The following DHX30 variants were observed in gnomAD, a reference collection of about 807,000 sequenced individuals.
DHX30 encodes the protein DExH-box helicase 30, also known as ATP-dependent RNA helicase DHX30.
In DHX30, 4 loss-of-function variants were observed where a neutral mutation model predicts 116.9. The observed-to-expected ratio is 0.03, with a 90% CI of 0.02 to 0.08. DHX30 has a LOEUF of 0.08. Ranked by LOEUF, DHX30 falls within the 10% of genes least tolerant of loss-of-function variation. DHX30 has a pLI of 1.00. For synonymous variants in DHX30, 697 were observed against 651.7 expected, an observed-to-expected ratio of 1.07 and a Z score of -1.06; for missense variants, 871 against 1,595.1, an observed-to-expected ratio of 0.55 and a Z score of 7.73.
intron 4 of DHX30, among the ~76,000 whole-genome samples, chr3:47,818,595 G>A (rs1351280672): frequency 6.6e-6 from 1 of 152,126 alleles, no homozygotes; most frequent in Non-Finnish European, 1.5e-5. Flanking sequence ...GCACTTTACT[G>A]ACATTAAAAT....
intron 3 of DHX30, among the ~76,000 whole-genome samples, chr3:47,814,282 A>C (rs528351431): frequency 3.3e-5 from 5 of 151,176 alleles, no homozygotes; most frequent in Admixed American, 6.6e-5. Flanking sequence ...TAAAAATAAA[A>C]ATAAAAATCA....
chr3:47,850,036 G>C lies in DHX30; in HGVS notation c.3501G>C (p.Glu1167Asp), dbSNP rs1450044789. ...CACTTCCCCCCAGCGTACAGGAGGA[G>C]CACGGGCAGCTGCTTGCGCTACTGG... ...LAALPPSVQE[E>D]HGQLLALLAE... Residue 1167 changes from glutamate to aspartate, a missense_variant, in exon 22 of 22, where the codon GAG becomes GAC. By Grantham distance (45) the Glu-to-Asp change is conservative. Coordinates refer to ENST00000445061, the MANE Select transcript of DHX30 (RefSeq NM_138615.3). 6.2e-7 allele frequency: 1 copy of C among 1,606,282 alleles called. No homozygotes were observed. The highest frequency in any genetic ancestry group is 8.5e-7 in the Non-Finnish European group (1 of 1,177,574).
chr3:47,803,376 C>T (rs970869591), intron 1 of DHX30, among the ~76,000 whole-genome samples, 164 bp downstream of exon 1: 4 of 152,048 alleles, frequency 2.6e-5, no homozygotes, highest in Non-Finnish European at 4.4e-5. Flanking sequence ...CCTAGGCCTG[C>T]CCGGGAAGCC....
rs751413800 is a variant in DHX30, at chr3:47,849,020, C to T, written c.2870C>T (p.Ser957Phe). 8.7e-6 allele frequency: 14 copies of T among 1,613,372 alleles called. No homozygotes were observed. The South Asian group carries it at 1.3e-4, about 15-fold the overall frequency. Residue 957 changes from serine to phenylalanine, a missense_variant, in exon 18 of 22, where the codon TCC (serine) becomes TTC (phenylalanine). Coordinates refer to ENST00000445061, the MANE Select transcript of DHX30 (RefSeq NM_138615.3). ...EEVLRWQDRS[S>F]RENYLEENLL... ...GTGCTGCGTTGGCAGGACCGCAGCT[C>T]CCGGGAGAATTACCTGGAGGAAAAC...
At chr3:47,837,696 G>A (rs2107089659) in intron 6 of DHX30, among the ~76,000 whole-genome samples, 1 of 152,346 alleles carries the variant, frequency 6.6e-6, no homozygotes, top group East Asian at 1.9e-4. Flanking sequence ...GGCAGGCAGA[G>A]GTTGCAGTGA....
At chr3:47,831,958 T>C in intron 6 of DHX30, among the ~76,000 whole-genome samples, 1 of 136,582 alleles carries the variant, frequency 7.3e-6, no homozygotes, top group Admixed American at 8.0e-5. Flanking sequence ...TATTCCTCTC[T>C]CCCATCGTCT....
At chr3:47,834,879 A>G (rs2037033574) in intron 6 of DHX30, among the ~76,000 whole-genome samples, 1 of 152,202 alleles carries the variant, frequency 6.6e-6, no homozygotes, top group Non-Finnish European at 1.5e-5. Context: ...TGCAGTTAAC[A>G]TGGGAGTGCA....
intron 3 of DHX30, among the ~76,000 whole-genome samples, chr3:47,815,368 T>C (rs2036003774): frequency 6.6e-6 from 1 of 152,168 alleles, no homozygotes; most frequent in Non-Finnish European, 1.5e-5. Context: ...GCTGTGAGGT[T>C]GCATGATTGA....
intron 4 of DHX30, chr3:47,819,312 C>T (rs141857332): frequency 5.0e-5 from 68 of 1,363,190 alleles, no homozygotes; most frequent in Non-Finnish European, 5.7e-5. Flanking sequence ...AGCTTGAAGA[C>T]GGTTAGTCGG....
chr3:47,830,274 C>A (rs1484336978), intron 6 of DHX30, among the ~76,000 whole-genome samples: 1 of 151,104 alleles, frequency 6.6e-6, no homozygotes, highest in Non-Finnish European at 1.5e-5. Context: ...ATGGTGAAAC[C>A]TTGTCTGTAC....
intron 21 of DHX30, 24 bp from the exon 22 acceptor site, chr3:47,849,843 C>T (rs1344886390): frequency 1.2e-6 from 2 of 1,610,796 alleles, no homozygotes; most frequent in Admixed American, 3.3e-5. Flanking sequence ...CCACAGTTCC[C>T]CACCATCTTT....
chr3:47,827,220 C>A, intron 4 of DHX30, 127 bp from the exon 5 acceptor site: 1 of 879,592 alleles, frequency 1.1e-6, no homozygotes, highest in Non-Finnish European at 1.7e-6. Context: ...TTCCAAGATG[C>A]TCCTGGGTGG....
chr3:47,848,004 G>GT lies in DHX30; in HGVS notation c.2286+52dup. Reference sequence around the variant, plus strand: ...GGCCAACCACTGGGGGAGGGACTCCGTTTTGAGGTGGTCCCCAGCCCAGAT... The same window carrying GT: ...GGCCAACCACTGGGGGAGGGACTCCGTTTTTGAGGTGGTCCCCAGCCCAGAT... On this transcript the variant is annotated intron_variant, in intron 14 of 21. Transcript: ENST00000445061. The surrounding 1 kb of genome is among the most constrained non-coding windows in gnomAD (Gnocchi z 9.4). The GT allele has an allele frequency of 6.2e-7, 1 of 1,605,664 alleles. No homozygotes were observed. Among genetic ancestry groups the GT allele is most frequent in the Non-Finnish European group, 8.5e-7 (1 of 1,173,896 alleles).
In DHX30 at chr3:47,826,884, G is replaced by C. The variant is rs554903390; in HGVS notation, c.125-463G>C. ...GATCTCATCACTTGAGATACATGGGGCCAGGTCTCTCGTGTGTGTGTCTTA... is the reference window on the plus strand; with the variant it reads ...GATCTCATCACTTGAGATACATGGGCCCAGGTCTCTCGTGTGTGTGTCTTA... On this transcript the variant is annotated intron_variant, in intron 4 of 21. Transcript: ENST00000445061. Among the ~76,000 whole-genome samples the C allele has an allele frequency of 7.2e-5, 11 of 152,328 alleles. No homozygotes were observed. The South Asian group carries it at 1.7e-3, about 23-fold the overall frequency.
rs781419672 is a variant in DHX30, at chr3:47,849,875, C to T, written c.3340C>T (p.Arg1114Cys). 9.3e-6 allele frequency: 15 copies of T among 1,612,406 alleles called. No individual in the cohort carries two copies. The highest frequency in any genetic ancestry group is 2.7e-5 in the African/African-American group (2 of 74,910). Residue 1114 changes from arginine (R) to cysteine (C), a missense_variant, in exon 22 of 22, where the codon CGC becomes TGC. Physicochemically the swap from Arg to Cys is radical, Grantham distance 180. Transcript: ENST00000445061. ...CTTTTCCATTCCCTCAGATGACGGG[C>T]GCCGGGCCACCATCTCACTGAGCGA... is the stretch of plus-strand genomic sequence containing the variant. ...DGDVHIRDDG[R>C]RATISLSDSD...
intron 4 of DHX30, 85 bp from the exon 5 acceptor site, chr3:47,827,262 C>T (rs1166625833): frequency 2.2e-6 from 3 of 1,392,644 alleles, no homozygotes; most frequent in Non-Finnish European, 2.9e-6. Flanking sequence ...CCTCAGAATC[C>T]AGCCCAGGGT....
In DHX30 at chr3:47,838,009, A is replaced by G. The variant is rs575792240; in HGVS notation, c.367-2868A>G. The stretch of plus-strand genomic sequence containing the variant: ...CTGTGGGGACGAGATCCTCTGGTCT[A>G]GTGAAAGAGTGGTTGCAAAGGCAGG... On this transcript the variant is annotated intron_variant, in intron 6 of 21. Transcript: ENST00000445061. Among the ~76,000 whole-genome samples the G allele has an allele frequency of 3.7e-3, 566 of 152,254 alleles. 5 individuals carry two copies. The highest frequency in any genetic ancestry group is 0.013 in the African/African-American group (533 of 41,548).
rs1419094970 is a variant in DHX30, at chr3:47,808,621, G to A, written c.-27-2036G>A. On this transcript the variant is annotated intron_variant, in intron 2 of 21. Transcript: ENST00000445061. ...GATGGAGTCTCGCTCTGTTGCCCAGGCTGGAGTGCAGAGGTGTGATCTTGG... is the reference window on the plus strand; with the variant it reads ...GATGGAGTCTCGCTCTGTTGCCCAGACTGGAGTGCAGAGGTGTGATCTTGG... Among the ~76,000 whole-genome samples the A allele has an allele frequency of 2.6e-5, 4 of 151,350 alleles. No individual in the cohort carries two copies. The South Asian group carries it at 8.4e-4, about 32-fold the overall frequency.
At chr3:47,822,699 C>A (rs1032293435) in intron 4 of DHX30, among the ~76,000 whole-genome samples, 24 of 151,888 alleles carry the variant, frequency 1.6e-4, no homozygotes, top group African/African-American at 4.1e-4. Context: ...ACAGGAGAAT[C>A]GCTTGAACCC....
Sources: gnomAD v4.1 joint callset for allele counts (sites outside exome capture counted in the v4.1 genomes callset) on GRCh38, gnomAD v4.1.1 for gene constraint, Gnocchi (gnomAD v3.1) non-coding constraint, MANE v1.5 for transcripts, NCBI Gene and HGNC (gene_info 2026-07-23, HGNC 2026-07-21) for gene names.